SLC4A1AP: variants seen among roughly 807,000 people sequenced by gnomAD.
SLC4A1AP encodes the protein kanadaptin.
In SLC4A1AP, 64 loss-of-function variants were observed where a neutral mutation model predicts 89.7. The observed-to-expected ratio is 0.71, with a 90% confidence interval of 0.58 to 0.88. The LOEUF (loss-of-function observed/expected upper bound fraction) is 0.88, where lower values mean the gene tolerates loss of function less well. SLC4A1AP is among the 40% of genes least tolerant of loss of function. The pLI, the probability that SLC4A1AP is intolerant of heterozygous loss-of-function variation, is 0.00. For synonymous variants in SLC4A1AP, 366 were observed against 353.3 expected, an observed-to-expected ratio of 1.04 and a Z score of -0.40; for missense variants, 931 against 965.0, an observed-to-expected ratio of 0.96 and a Z score of 0.47.
chr2:27,679,144 A>G (rs1165871367), intron 8 of SLC4A1AP, among the ~76,000 whole-genome samples: 4 of 152,236 alleles, frequency 2.6e-5, no homozygotes, highest in Non-Finnish European at 5.9e-5. Context: ...TCTCTACAAG[A>G]CAAATTGGCA....
At chr2:27,668,944 C>T (rs766002649) in intron 4 of SLC4A1AP, 41 bp downstream of exon 4, 1 of 1,567,704 alleles carries the variant, frequency 6.4e-7, no homozygotes, top group East Asian at 2.2e-5. Context: ...TGGAAAATGG[C>T]CAATTTCAGG....
exon 1 of SLC4A1AP, chr2:27,664,300 T>C (rs1675262608): frequency 6.2e-7 from 1 of 1,614,090 alleles, no homozygotes; most frequent in African/African-American, 1.3e-5. Flanking sequence ...ACCCGTAGCT[T>C]GAAAGGGACG....
chr2:27,686,087 G>A (rs2148139408), intron 10 of SLC4A1AP, among the ~76,000 whole-genome samples: 1 of 152,284 alleles, frequency 6.6e-6, no homozygotes, highest in South Asian at 2.1e-4. Flanking sequence ...AGAAAATAAG[G>A]AGTATGAGGA....
intron 5 of SLC4A1AP, among the ~76,000 whole-genome samples, chr2:27,674,209 A>C (rs950232551): frequency 1.3e-5 from 2 of 152,090 alleles, no homozygotes; most frequent in African/African-American, 4.8e-5. Context: ...AAAGAGTCTT[A>C]CTGATTTGGC....
chr2:27,694,569 A>T, intron 13 of SLC4A1AP, 65 bp from the exon 14 acceptor site: 2 of 1,233,456 alleles, frequency 1.6e-6, no homozygotes. Context: ...TGATATCTGG[A>T]TATCTTTTCT....
At chr2:27,689,375 G>C (rs951897200) in intron 12 of SLC4A1AP, among the ~76,000 whole-genome samples, 1 of 152,104 alleles carries the variant, frequency 6.6e-6, no homozygotes, top group Non-Finnish European at 1.5e-5. Flanking sequence ...ATTCACGAGA[G>C]GACCCAGGTC....
chr2:27,665,034 C>T lies in SLC4A1AP; in HGVS notation c.826-66C>T, dbSNP rs889343895. ...TTACAGCCACTGCACTCCAGTCCAG[C>T]CTAGGCGACAGAGCAAGACCCTGTC... On this transcript the variant is annotated intron_variant, in intron 1 of 13. Transcript: ENST00000613058. 37 of 1,355,328 alleles carry T rather than the reference C, an allele frequency of 2.7e-5. 1 individual carries two copies. The highest frequency in any genetic ancestry group is 1.0e-6 in the Non-Finnish European group (1 of 979,508). 84.0% of individuals were successfully genotyped at this position (1,355,328 alleles called of 1,614,324 possible).
At chr2:27,677,679 T>C in intron 7 of SLC4A1AP, 59 bp from the exon 8 acceptor site, 1 of 1,423,014 alleles carries the variant, frequency 7.0e-7, no homozygotes, top group Non-Finnish European at 9.5e-7. Flanking sequence ...AAACTTTGGC[T>C]GAATTTTAAA....
At chr2:27,669,436 C>T in intron 5 of SLC4A1AP, 49 bp downstream of exon 5, 1 of 1,444,442 alleles carries the variant, frequency 6.9e-7, no homozygotes. Context: ...AAGGAAAACT[C>T]AACACAAACG....
chr2:27,675,018 T>C (rs1469863939), intron 5 of SLC4A1AP, among the ~76,000 whole-genome samples: 1 of 152,242 alleles, frequency 6.6e-6, no homozygotes, highest in Admixed American at 6.5e-5. Flanking sequence ...AAAAGCCGTT[T>C]GCTCATTAAA....
chr2:27,688,119 A>G, intron 11 of SLC4A1AP, 99 bp downstream of exon 11: 2 of 919,986 alleles, frequency 2.2e-6, no homozygotes, highest in South Asian at 1.5e-5. Context: ...AGCACAGAGA[A>G]TGGTCCTTTA....
intron 5 of SLC4A1AP, among the ~76,000 whole-genome samples, chr2:27,671,311 T>A (rs1186066193): frequency 1.3e-5 from 2 of 152,228 alleles, no homozygotes; most frequent in Non-Finnish European, 1.5e-5. Context: ...GCTAAATTAG[T>A]ATTTAGTATT....
chr2:27,670,449 A>G (rs947772943), intron 5 of SLC4A1AP, among the ~76,000 whole-genome samples: 1 of 152,094 alleles, frequency 6.6e-6, no homozygotes, highest in African/African-American at 2.4e-5. Flanking sequence ...GTCTGGTTCA[A>G]AACTACCAAA....
chr2:27,671,406 G>T (rs1459825156), intron 5 of SLC4A1AP, among the ~76,000 whole-genome samples: 2 of 152,116 alleles, frequency 1.3e-5, no homozygotes, highest in Non-Finnish European at 2.9e-5. Flanking sequence ...AATTGCGTTT[G>T]CTTTTCATGT....
At chr2:27,681,782 TG>T (rs1230436200) in intron 8 of SLC4A1AP, among the ~76,000 whole-genome samples, 1 of 152,144 alleles carries the variant, frequency 6.6e-6, no homozygotes, top group Non-Finnish European at 1.5e-5. Flanking sequence ...ATTACTACAC[TG>T]GGTATCCTGC....
At chr2:27,670,809 C>A (rs1029933476) in intron 5 of SLC4A1AP, among the ~76,000 whole-genome samples, 1 of 151,500 alleles carries the variant, frequency 6.6e-6, no homozygotes, top group Non-Finnish European at 1.5e-5. Flanking sequence ...TTCATTGAGC[C>A]GAGATCGCGC....
exon 1 of SLC4A1AP, chr2:27,664,468 C>T (rs1675268403): frequency 1.2e-6 from 2 of 1,614,208 alleles, no homozygotes; most frequent in East Asian, 4.5e-5. Flanking sequence ...CTGGGAAGCA[C>T]CCATGGCACT....
chr2:27,664,061 A>G lies in SLC4A1AP; in HGVS notation c.309A>G (p.Glu103=), dbSNP rs1337619209. Residue 103 remains glutamate (E), a synonymous_variant, in exon 1 of 14, where the codon GAA becomes GAG. Transcript: ENST00000613058. ...CAAACCCTGAGGAGGTACAGAAGGA[A>G]GGGCCCACTGCGTTGCAGGACTCCA... 5 of 1,614,078 alleles carry G rather than the reference A, an allele frequency of 3.1e-6. No homozygotes were observed. In the East Asian group the frequency reaches 8.9e-5, roughly 29 times the overall value.
At chr2:27,664,849 C>CT (rs1675281018) in intron 1 of SLC4A1AP, among the ~76,000 whole-genome samples, 1 of 151,784 alleles carries the variant, frequency 6.6e-6, no homozygotes, top group Non-Finnish European at 1.5e-5. Context: ...GGGAGGATCG[C>CT]TTTAGCCCAG....
Sources: gnomAD v4.1 joint callset for allele counts (sites outside exome capture counted in the v4.1 genomes callset) on GRCh38, gnomAD v4.1.1 for gene constraint, MANE v1.5 for transcripts, NCBI Gene and HGNC (gene_info 2026-07-23, HGNC 2026-07-21) for gene names.